TNKS2: variants seen among roughly 807,000 people sequenced by gnomAD.
The protein encoded by TNKS2 is poly [ADP-ribose] polymerase tankyrase-2.
Under a neutral mutation model 137.6 loss-of-function variants are expected in TNKS2, and 72 were observed. The ratio of observed to expected loss-of-function variants is 0.52; its 90% CI spans 0.43 to 0.64. The LOEUF (loss-of-function observed/expected upper bound fraction) is 0.64, where lower values mean the gene tolerates loss of function less well. TNKS2 is among the 30% of genes least tolerant of loss of function. The pLI is 0.00. For missense variants in TNKS2, 1,049 were observed against 1,410.2 expected (o/e 0.74, Z 4.10); for synonymous variants, 516 against 512.1 (o/e 1.01, Z -0.10).
chr10:91,819,246 CTTT>C, intron 3 of TNKS2, 21 bp from the exon 4 acceptor site: 5 of 1,107,180 alleles, frequency 4.5e-6, no homozygotes, highest in Admixed American at 3.5e-5. Flanking sequence ...AATTTCTATA[CTTT>C]TTTTTTTTTC....
intron 1 of TNKS2, among the ~76,000 whole-genome samples, chr10:91,808,484 AT>A (rs1844400065): frequency 6.6e-6 from 1 of 152,186 alleles, no homozygotes; most frequent in Admixed American, 6.5e-5. Context: ...CCAAGGAATT[AT>A]TTTAAACAGG....
chr10:91,862,272 T>G (rs957374916), intron 26 of TNKS2, 117 bp downstream of exon 26: 1 of 797,878 alleles, frequency 1.3e-6, no homozygotes, highest in Non-Finnish European at 1.8e-6. Context: ...AAAAATTTTA[T>G]TTGGAGATAA....
At chr10:91,859,049 G>A (rs775130278) in intron 24 of TNKS2, among the ~76,000 whole-genome samples, 48 of 152,038 alleles carry the variant, frequency 3.2e-4, no homozygotes, top group Non-Finnish European at 5.6e-4. Context: ...AGTCTACTTG[G>A]GCCACTTGGT....
At chr10:91,827,243 T>G in intron 8 of TNKS2, 40 bp downstream of exon 8, 3 of 1,349,592 alleles carry the variant, frequency 2.2e-6, no homozygotes, top group Non-Finnish European at 2.9e-6. Context: ...GGATATTATA[T>G]CAATAAACTG....
intron 13 of TNKS2, among the ~76,000 whole-genome samples, chr10:91,837,598 G>A (rs1224828817): frequency 1.3e-5 from 2 of 152,194 alleles, no homozygotes; most frequent in Non-Finnish European, 2.9e-5. Context: ...GCTCACACCT[G>A]TCGGTAATCC....
chr10:91,831,542 A>G (rs1342936162), intron 11 of TNKS2, among the ~76,000 whole-genome samples: 1 of 152,078 alleles, frequency 6.6e-6, no homozygotes, highest in Non-Finnish European at 1.5e-5. Flanking sequence ...ATTTACCCCA[A>G]CCACCGTTTT....
Position 91,834,085 on chromosome 10 carries a change from T to C in TNKS2, c.1447+61T>C, listed in dbSNP as rs1254820724. On this transcript the variant is annotated intron_variant, in intron 12 of 26. Coordinates refer to ENST00000371627, the MANE Select transcript of TNKS2 (RefSeq NM_025235.4). Reference sequence around the variant, plus strand: ...TTAACCTTTAAAAATTTTTCACATATCAGGTATTATAGGTAGGAGTTGGTA... The same window carrying C: ...TTAACCTTTAAAAATTTTTCACATACCAGGTATTATAGGTAGGAGTTGGTA... 11 of 1,389,800 alleles carry C rather than the reference T, an allele frequency of 7.9e-6. No individual in the cohort carries two copies. In the East Asian group the frequency reaches 2.4e-4, roughly 30 times the overall value. 86.1% of individuals were successfully genotyped at this position (1,389,800 alleles called of 1,614,324 possible).
chr10:91,837,126 A>G lies in TNKS2; in HGVS notation c.1527+128A>G, dbSNP rs540311396. ...CTTGCCTTAAAAGGTCAATAATACA[A>G]TCTTAATTGTTCTCTACAAATGAGT... On this transcript the variant is annotated intron_variant, in intron 13 of 26. Coordinates refer to ENST00000371627, the MANE Select transcript of TNKS2 (RefSeq NM_025235.4). 107 of 804,070 alleles carry G rather than the reference A, an allele frequency of 1.3e-4. 1 individual carries two copies. The highest frequency in any genetic ancestry group is 5.2e-5 in the Non-Finnish European group (29 of 554,754). 49.8% of individuals were successfully genotyped at this position (804,070 alleles called of 1,614,324 possible).
At chr10:91,847,070 TA>T (rs576488059) in intron 18 of TNKS2, among the ~76,000 whole-genome samples, 1 of 152,194 alleles carries the variant, frequency 6.6e-6, no homozygotes, top group East Asian at 1.9e-4. Flanking sequence ...GTAATTTACT[TA>T]AAGTCTTTGG....
chr10:91,847,352 T>G (rs1842406665), intron 18 of TNKS2, among the ~76,000 whole-genome samples: 1 of 152,078 alleles, frequency 6.6e-6, no homozygotes, highest in African/African-American at 2.4e-5. Context: ...TAGCAGATTT[T>G]TTTTAATTTT....
chr10:91,842,414 AT>A (rs768544593), intron 16 of TNKS2, 23 bp downstream of exon 16: 8 of 1,600,696 alleles, frequency 5.0e-6, no homozygotes, highest in African/African-American at 1.3e-5. Context: ...AGTTTCACAG[AT>A]TTAGGCTGGT....
rs71025367 is a variant in TNKS2 at position 91,838,036 on chromosome 10, A to ATTT, written c.1527+1064_1527+1066dup. Among the ~76,000 whole-genome samples, 315 of 51,230 alleles carry ATTT rather than the reference A, an allele frequency of 6.1e-3. 35 individuals are homozygous for ATTT. The highest frequency in any genetic ancestry group is 0.022 in the African/African-American group (277 of 12,722). 33.6% of individuals were successfully genotyped at this position (51,230 alleles called of 152,430 possible). The stretch of plus-strand genomic sequence containing the variant: ...AAATTGAGTTGAAAGCAATTAGCTG[A>ATTT]TTTTTTTTTTTTTTTTTTTTTTTTT... On this transcript the variant is annotated intron_variant, in intron 13 of 26. Transcript: ENST00000371627.
rs147351104 is a variant in TNKS2 at position 91,799,892 on chromosome 10, C to T, written c.199+1003C>T. On this transcript the variant is annotated intron_variant, in intron 1 of 26. Coordinates refer to ENST00000371627, the MANE Select transcript of TNKS2 (RefSeq NM_025235.4). Reference sequence around the variant, plus strand: ...TGTTTAAAACAATTTTTTGAAAAATCGGGGAATACCTTTTAAAGTACTCCT... The same window carrying T: ...TGTTTAAAACAATTTTTTGAAAAATTGGGGAATACCTTTTAAAGTACTCCT... Among the ~76,000 whole-genome samples the T allele has an allele frequency of 1.3e-3, 202 of 152,198 alleles. 2 individuals carry two copies. The East Asian group carries it at 0.021, about 16-fold the overall frequency.
At chr10:91,858,182 T>C (rs939148378) in intron 24 of TNKS2, among the ~76,000 whole-genome samples, 9 of 152,172 alleles carry the variant, frequency 5.9e-5, no homozygotes, top group Non-Finnish European at 1.3e-4. Flanking sequence ...TTGTCCTTGA[T>C]TGCAGAAAAA....
intron 3 of TNKS2, among the ~76,000 whole-genome samples, chr10:91,818,203 T>C (rs1231926369): frequency 6.6e-6 from 1 of 152,244 alleles, no homozygotes; most frequent in East Asian, 1.9e-4. Flanking sequence ...GCAGTCAGTA[T>C]GCAGTTCACA....
intron 1 of TNKS2, among the ~76,000 whole-genome samples, chr10:91,812,246 C>T (rs1264102855): frequency 6.6e-6 from 1 of 152,104 alleles, no homozygotes; most frequent in African/African-American, 2.4e-5. Context: ...GATTGAAACT[C>T]ATTGGTGCTA....
At chr10:91,845,152 A>C in intron 17 of TNKS2, 124 bp downstream of exon 17, 2 of 696,636 alleles carry the variant, frequency 2.9e-6, no homozygotes, top group South Asian at 3.4e-5. Context: ...AGAGCTAAAG[A>C]AGTTAAATAA....
chr10:91,834,170 T>G, intron 12 of TNKS2, 146 bp downstream of exon 12: 2 of 555,354 alleles, frequency 3.6e-6, no homozygotes, highest in Non-Finnish European at 2.8e-6. Flanking sequence ...TTTAATCAGC[T>G]GAATATCCTC....
At chr10:91,836,516 T>G (rs1191700262) in intron 12 of TNKS2, 2 of 479,586 alleles carry the variant, frequency 4.2e-6, no homozygotes, top group East Asian at 3.0e-4. Flanking sequence ...ACCAGGAAGT[T>G]CCAGTGACTT....
Sources: gnomAD v4.1 joint callset for allele counts (sites outside exome capture counted in the v4.1 genomes callset) on GRCh38, gnomAD v4.1.1 for gene constraint, MANE v1.5 for transcripts, NCBI Gene and HGNC (gene_info 2026-07-23, HGNC 2026-07-21) for gene names.